EXOC4: variants seen among roughly 807,000 people sequenced by gnomAD.
EXOC4 encodes the protein SEC8-like 1.
Under a neutral mutation model 107.2 loss-of-function variants are expected in EXOC4, and 71 were observed. The observed-to-expected ratio is 0.66, with a 90% CI of 0.55 to 0.81. EXOC4 has a LOEUF of 0.81. EXOC4 is among the 30% of genes least tolerant of loss of function. The pLI is 0.00. For missense variants in EXOC4, 1,108 were observed against 1,189.6 expected (o/e 0.93, Z 1.01); for synonymous variants, 456 against 441.2 (o/e 1.03, Z -0.42).
intron 17 of EXOC4, among the ~76,000 whole-genome samples, chr7:134,032,991 A>G (rs959458072): frequency 1.3e-5 from 2 of 152,238 alleles, no homozygotes; most frequent in African/African-American, 4.8e-5. Context: ...TCACAGAGAA[A>G]CAAAAAGGAA....
At chr7:133,895,351 C>T (rs1427212414) in intron 11 of EXOC4, among the ~76,000 whole-genome samples, 1 of 151,796 alleles carries the variant, frequency 6.6e-6, no homozygotes, top group East Asian at 1.9e-4. Flanking sequence ...TGAGATGAAC[C>T]CAGTACCTCA....
At chr7:133,630,191 T>G (rs1176818577) in intron 10 of EXOC4, 50 bp downstream of exon 10, 1 of 1,396,804 alleles carries the variant, frequency 7.2e-7, no homozygotes, top group Non-Finnish European at 1.0e-6. Flanking sequence ...TTTTCATTAT[T>G]TATGCTGGTC....
At chr7:133,363,268 T>C (rs1214384270) in intron 6 of EXOC4, among the ~76,000 whole-genome samples, 2 of 152,180 alleles carry the variant, frequency 1.3e-5, no homozygotes, top group Non-Finnish European at 2.9e-5. Context: ...AACTGAAATA[T>C]TTTTAGAACA....
the EXOC4 span, among the ~76,000 whole-genome samples, chr7:134,090,967 C>T: frequency 2.5e-4 from 38 of 151,896 alleles, 1 homozygote; most frequent in East Asian, 6.6e-3. Flanking sequence ...ATTCTTTACC[C>T]AGGTATATGC....
At chr7:133,924,101 G>C (rs1474062976) in intron 13 of EXOC4, among the ~76,000 whole-genome samples, 4 of 151,858 alleles carry the variant, frequency 2.6e-5, no homozygotes, top group African/African-American at 9.7e-5. Flanking sequence ...AGGCCACAAG[G>C]CTCCACTCTT....
Position 133,351,761 on chromosome 7 carries a change from A to G in EXOC4, c.764-4569A>G, listed in dbSNP as rs147971725. Reference sequence around the variant, plus strand: ...CTGTTTTCAGATTCCTTAAGCTGTAAAATTAAGCTGTTGTTTTGAGATCTT... The same window carrying G: ...CTGTTTTCAGATTCCTTAAGCTGTAGAATTAAGCTGTTGTTTTGAGATCTT... On this transcript the variant is annotated intron_variant, in intron 5 of 17. Coordinates refer to ENST00000253861, the MANE Select transcript of EXOC4 (RefSeq NM_021807.4). 4.3e-4 allele frequency among the ~76,000 whole-genome samples: 66 copies of G among 151,908 alleles called. 2 individuals carry two copies. In the East Asian group the frequency reaches 0.011, roughly 26 times the overall value.
chr7:134,012,805 C>T (rs1049766372), intron 17 of EXOC4, among the ~76,000 whole-genome samples: 3 of 152,042 alleles, frequency 2.0e-5, no homozygotes, highest in Admixed American at 6.5e-5. Flanking sequence ...GGAGTGCTAG[C>T]GAAGAACCAG....
intron 10 of EXOC4, among the ~76,000 whole-genome samples, chr7:133,752,826 C>T (rs1319447923): frequency 6.6e-6 from 1 of 152,114 alleles, no homozygotes; most frequent in Non-Finnish European, 1.5e-5. Context: ...AAAAATAGGC[C>T]TTGTTTTGCT....
intron 9 of EXOC4, among the ~76,000 whole-genome samples, chr7:133,622,660 C>T (rs1802362226): frequency 6.6e-6 from 1 of 152,040 alleles, no homozygotes; most frequent in Admixed American, 6.6e-5. Flanking sequence ...TTAAGCTTCA[C>T]CTACATTTAT....
intron 14 of EXOC4, among the ~76,000 whole-genome samples, chr7:133,975,083 C>T (rs1793800007): frequency 6.6e-6 from 1 of 151,688 alleles, no homozygotes; most frequent in African/African-American, 2.4e-5. Flanking sequence ...TATTCACCAT[C>T]CTTGTTTATA....
intron 9 of EXOC4, among the ~76,000 whole-genome samples, chr7:133,620,907 G>C (rs1437371818): frequency 6.6e-6 from 1 of 152,180 alleles, no homozygotes; most frequent in Non-Finnish European, 1.5e-5. Context: ...ACAAAGGTAG[G>C]AATGCTCCTC....
At chr7:134,009,922 A>G (rs780291410) in intron 17 of EXOC4, 1 of 152,214 alleles carries the variant, frequency 6.6e-6, no homozygotes, top group Admixed American at 6.5e-5. Flanking sequence ...TCATGTGCCG[A>G]TGAAGCATTT....
At chr7:133,762,840 G>T (rs1796060864) in intron 10 of EXOC4, among the ~76,000 whole-genome samples, 1 of 151,924 alleles carries the variant, frequency 6.6e-6, no homozygotes, top group African/African-American at 2.4e-5. Flanking sequence ...ACATAGAAAA[G>T]AACAAGAAAA....
intron 10 of EXOC4, among the ~76,000 whole-genome samples, chr7:133,794,447 G>C (rs368648444): frequency 2.0e-5 from 3 of 152,302 alleles, no homozygotes; most frequent in African/African-American, 7.2e-5. Context: ...CCCAGGAGAA[G>C]AACCTTATTC....
At chr7:133,782,400 A>C (rs2551029) in intron 10 of EXOC4, among the ~76,000 whole-genome samples, 150,217 of 152,208 alleles carry the variant, frequency 0.99, 74,167 homozygotes, top group Middle Eastern at 1. Flanking sequence ...ATCCTTGGGG[A>C]CTTGAGGGCA....
intron 15 of EXOC4, among the ~76,000 whole-genome samples, chr7:133,998,260 C>T (rs558208059): frequency 1.3e-5 from 2 of 152,310 alleles, no homozygotes; most frequent in Admixed American, 6.5e-5. Context: ...GAAATCTGCA[C>T]ATTTTGTACT....
intron 12 of EXOC4, among the ~76,000 whole-genome samples, chr7:133,903,463 C>A (rs1250124371): frequency 2.0e-5 from 3 of 152,112 alleles, no homozygotes; most frequent in African/African-American, 7.2e-5. Context: ...AAGGACCAGC[C>A]AGCTGAATTC....
downstream of EXOC4, among the ~76,000 whole-genome samples, chr7:134,070,606 G>A (rs1218628394): frequency 6.6e-6 from 1 of 152,136 alleles, no homozygotes; most frequent in African/African-American, 2.4e-5. Context: ...CACCATGTGA[G>A]GAGAGGCTGC....
At chr7:133,367,724 G>T (rs1238109625) in intron 6 of EXOC4, among the ~76,000 whole-genome samples, 3 of 152,100 alleles carry the variant, frequency 2.0e-5, no homozygotes, top group Non-Finnish European at 4.4e-5. Flanking sequence ...TCTATAAAAT[G>T]GCGATAAAGT....
Sources: gnomAD v4.1 joint callset for allele counts (sites outside exome capture counted in the v4.1 genomes callset) on GRCh38, gnomAD v4.1.1 for gene constraint, MANE v1.5 for transcripts, NCBI Gene and HGNC (gene_info 2026-07-23, HGNC 2026-07-21) for gene names.